The following DIS3L variants were observed in gnomAD, a reference collection of about 807,000 sequenced individuals.
DIS3L encodes the protein DIS3-like exonuclease 1.
In DIS3L, 100 loss-of-function variants were observed where a neutral mutation model predicts 120.3. The ratio of observed to expected loss-of-function variants is 0.83; its 90% CI spans 0.71 to 0.98. The LOEUF (loss-of-function observed/expected upper bound fraction) is 0.98, where lower values mean the gene tolerates loss of function less well. Among genes scored for constraint, DIS3L ranks in the 50% least tolerant of loss-of-function variants. The probability of loss-of-function intolerance (pLI) is 0.00; values close to 1 mark genes in which losing one functional copy is unlikely to be tolerated. For missense variants in DIS3L, 1,196 were observed against 1,314.2 expected, an observed-to-expected ratio of 0.91 and a Z score of 1.39; for synonymous variants, 426 against 470.6, an observed-to-expected ratio of 0.91 and a Z score of 1.23.
At chr15:66,317,401 C>T (rs1010419419) in intron 7 of DIS3L, among the ~76,000 whole-genome samples, 6 of 150,712 alleles carry the variant, frequency 4.0e-5, no homozygotes, top group African/African-American at 9.8e-5. Flanking sequence ...AGTTTGGTCT[C>T]GGCTTCAGTC....
chr15:66,293,878 AC>A (rs11341730), intron 1 of DIS3L, 143 bp downstream of exon 1: 1,003,267 of 1,003,274 alleles, frequency 1, 501,630 homozygotes, highest in Middle Eastern at 1. Flanking sequence ...CGCCGGCCTC[AC>A]CCCCCGGCTC....
chr15:66,307,674 G>A (rs1448306265), intron 3 of DIS3L, among the ~76,000 whole-genome samples: 1 of 152,208 alleles, frequency 6.6e-6, no homozygotes, highest in African/African-American at 2.4e-5. Context: ...AGGAAACACA[G>A]TGTCCTGATT....
At chr15:66,313,647 T>A (rs2092785146) in intron 5 of DIS3L, among the ~76,000 whole-genome samples, 1 of 151,936 alleles carries the variant, frequency 6.6e-6, no homozygotes, top group Non-Finnish European at 1.5e-5. Context: ...GGAGAATTGC[T>A]TCAACCTGGG....
chr15:66,309,946 T>A (rs188523814), intron 4 of DIS3L, among the ~76,000 whole-genome samples: 136 of 152,320 alleles, frequency 8.9e-4, no homozygotes, highest in African/African-American at 3.1e-3. Flanking sequence ...GACTGTTTCT[T>A]TGGGCTGTCT....
intron 2 of DIS3L, among the ~76,000 whole-genome samples, chr15:66,297,354 G>A (rs1047116851): frequency 6.6e-6 from 1 of 152,154 alleles, no homozygotes; most frequent in Non-Finnish European, 1.5e-5. Context: ...AGCACTTTGG[G>A]AGGCCAAGAC....
intron 11 of DIS3L, among the ~76,000 whole-genome samples, chr15:66,324,066 C>G (rs2092912921): frequency 6.6e-6 from 1 of 152,194 alleles, no homozygotes; most frequent in Non-Finnish European, 1.5e-5. Flanking sequence ...CTCCCTATCA[C>G]TTTCCCTCAC....
At chr15:66,313,159 CTAATT>C (rs1179680348) in intron 5 of DIS3L, among the ~76,000 whole-genome samples, 1 of 151,992 alleles carries the variant, frequency 6.6e-6, no homozygotes, top group Non-Finnish European at 1.5e-5. Context: ...CCATGCCCAG[CTAATT>C]TTTGTATTTT....
chr15:66,294,006 C>A, intron 1 of DIS3L: 10 of 989,664 alleles, frequency 1.0e-5, no homozygotes, highest in Non-Finnish European at 1.2e-5. Flanking sequence ...ATGCCGGAGG[C>A]CGGGTGGTTT....
At chr15:66,308,686 T>A (rs780719795) in intron 3 of DIS3L, 23 bp from the exon 4 acceptor site, 2 of 1,600,678 alleles carry the variant, frequency 1.2e-6, no homozygotes, top group African/African-American at 1.3e-5. Context: ...TGGGGAGAGC[T>A]CATGTGCCCT....
chr15:66,294,109 G>C, intron 1 of DIS3L: 1 of 985,724 alleles, frequency 1.0e-6, no homozygotes, highest in Non-Finnish European at 1.2e-6. Context: ...CGAGCTGGGA[G>C]CCCCCGGGAG....
At chr15:66,294,042 C>T (rs1042541966) in intron 1 of DIS3L, 1 of 987,290 alleles carries the variant, frequency 1.0e-6, no homozygotes. Flanking sequence ...CCTGAGGGCG[C>T]GGAAGCCGAG....
intron 1 of DIS3L, chr15:66,294,110 C>G: frequency 1.0e-6 from 1 of 985,714 alleles, no homozygotes. Flanking sequence ...GAGCTGGGAG[C>G]CCCCGGGAGC....
chr15:66,329,135 C>G lies in DIS3L; in HGVS notation c.2356+11C>G, dbSNP rs2092971264. ...AGTTCCATCATTACGGTGAATCATA[C>G]CATATTCCTATGTGTGGCTGTAACT... On this transcript the variant is annotated intron_variant, in intron 13 of 16. Transcript: ENST00000319212. 6.2e-7 allele frequency: 1 copy of G among 1,605,554 alleles called. No homozygotes were observed.
At chr15:66,312,717 A>G (rs1053588766) in intron 5 of DIS3L, among the ~76,000 whole-genome samples, 1 of 152,192 alleles carries the variant, frequency 6.6e-6, no homozygotes, top group Non-Finnish European at 1.5e-5. Context: ...TTATGTGTGT[A>G]TGTGTGTGTA....
At position 66,312,195 on chromosome 15, in the gene DIS3L, G is replaced by C. The variant is rs145034708; in HGVS notation, c.735+295G>C. Among the ~76,000 whole-genome samples the C allele has an allele frequency of 2.9e-3, 420 of 144,476 alleles. 2 individuals are homozygous for C. The highest frequency in any genetic ancestry group is 0.01 in the African/African-American group (407 of 38,856). 94.8% of individuals were successfully genotyped at this position (144,476 alleles called of 152,430 possible). ...TGCACTCCAGCCTGGGTGACAGTGA[G>C]AACCTGTCTCAATTAAAAAAAAAAA... On this transcript the variant is annotated intron_variant, in intron 5 of 16. Coordinates refer to ENST00000319212, the MANE Select transcript of DIS3L (RefSeq NM_001143688.3).
At chr15:66,297,616 T>C (rs1378235384) in intron 2 of DIS3L, among the ~76,000 whole-genome samples, 3 of 152,214 alleles carry the variant, frequency 2.0e-5, no homozygotes, top group Non-Finnish European at 2.9e-5. Context: ...AGCTCTCTAG[T>C]GTTTTGTTCA....
At chr15:66,309,094 A>AAAAAAAAAAAAAAAATATATATATAT in intron 4 of DIS3L, among the ~76,000 whole-genome samples, 3 of 15,320 alleles carry the variant, frequency 2.0e-4, no homozygotes, top group Non-Finnish European at 2.4e-4. Flanking sequence ...AAAAAAAAAA[A>AAAAAAAAAAAAAAAATATATATATAT]ATATATATAT....
In DIS3L at chr15:66,296,512, C is replaced by CT. The variant is rs3082898; in HGVS notation, c.293+1389dup. Among the ~76,000 whole-genome samples the CT allele has an allele frequency of 6.7e-3, 895 of 133,868 alleles. 10 individuals are homozygous for CT. Among genetic ancestry groups the CT allele is most frequent in the African/African-American group, 0.018 (665 of 35,958 alleles). The allele number at this position is 133,868 out of a possible 152,430, so 87.8% of individuals were successfully genotyped here. ...AGGCCTTGGGGAATAAAAAAGAAGT[C>CT]TTTTTTTTTTTTTTTTTTCCTTGAG... is the stretch of plus-strand genomic sequence containing the variant. On this transcript the variant is annotated intron_variant, in intron 2 of 16. Coordinates refer to ENST00000319212, the MANE Select transcript of DIS3L (RefSeq NM_001143688.3).
intron 14 of DIS3L, chr15:66,329,902 G>C: frequency 1.0e-6 from 1 of 977,184 alleles, no homozygotes. Flanking sequence ...ACAAAATTGA[G>C]ACTGTGTCTC....
Sources: allele counts gnomAD v4.1 joint callset (sites outside exome capture counted in the v4.1 genomes callset), GRCh38; gene constraint gnomAD v4.1.1; transcripts MANE v1.5; gene names NCBI Gene and HGNC (gene_info 2026-07-23, HGNC 2026-07-21).